ENOSF1: variants seen among roughly 807,000 people sequenced by gnomAD.
The protein encoded by ENOSF1 is mitochondrial enolase superfamily member 1.
In ENOSF1, 73 loss-of-function variants were observed where a neutral mutation model predicts 68.2. That is an observed-to-expected ratio of 1.07 (90% CI 0.89 to 1.30). The LOEUF (loss-of-function observed/expected upper bound fraction) is 1.30. ENOSF1 is among the 50% of genes most tolerant of loss of function. The probability of loss-of-function intolerance (pLI) is 0.00; values close to 1 mark genes in which losing one functional copy is unlikely to be tolerated. For synonymous variants in ENOSF1, 223 were observed against 210.4 expected, an observed-to-expected ratio of 1.06 and a Z score of -0.52; for missense variants, 589 against 554.5, an observed-to-expected ratio of 1.06 and a Z score of -0.62.
rs2077107270 is a variant in ENOSF1, at chr18:691,068, C to T, written c.535G>A (p.Glu179Lys). ...QKGQIGKKER[E>K]KQMLAQGYPA... ...TGAAGAAAATTTTCTTACAACCCAC[C>T]TCTTTCTTTTTTACCAATTTGACCT... is the stretch of plus-strand genomic sequence containing the variant. The change falls in exon 7 of 16, where the codon GAG becomes AAG. Residue 179 changes from glutamate to lysine, a missense_variant and splice_region_variant. Physicochemically the swap from Glu to Lys is moderately conservative, Grantham distance 56. Transcript: ENST00000647584. 1.2e-6 allele frequency: 2 copies of T among 1,613,994 alleles called. No homozygotes were observed. Among genetic ancestry groups the T allele is most frequent in the Non-Finnish European group, 1.7e-6 (2 of 1,179,924 alleles).
intron 5 of ENOSF1, chr18:691,974 T>C: frequency 6.6e-6 from 1 of 152,348 alleles, no homozygotes; most frequent in East Asian, 1.9e-4. Context: ...CTGGAGATGG[T>C]TCTGGAGCAG....
At position 697,353 on chromosome 18, in the gene ENOSF1, C is replaced by A. The variant is rs772352232; in HGVS notation, c.196G>T (p.Val66Phe). 2 of 1,608,422 alleles carry A rather than the reference C, an allele frequency of 1.2e-6. No homozygotes were observed. The highest frequency in any genetic ancestry group is 1.4e-5 in the African/African-American group (1 of 73,956). Residue 66 changes from valine to phenylalanine, a missense_variant and splice_region_variant, in exon 3 of 16, where the codon GTC becomes TTC. Coordinates refer to ENST00000647584, the MANE Select transcript of ENOSF1 (RefSeq NM_017512.7). ...FTLGKGTEVVVCAVNALAHHV... is the reference protein window; with the variant it reads ...FTLGKGTEVVFCAVNALAHHV... ...TGGGCGAGGGCATTCACAGCACAGACAACTATTTAAAAAGGATTGAACTCT... is the reference window on the plus strand; with the variant it reads ...TGGGCGAGGGCATTCACAGCACAGAAAACTATTTAAAAAGGATTGAACTCT...
In ENOSF1 at chr18:706,657, G is replaced by A. The variant is rs567035266; in HGVS notation, c.85-79C>T. On this transcript the variant is annotated intron_variant, in intron 1 of 15. Coordinates refer to ENST00000647584, the MANE Select transcript of ENOSF1 (RefSeq NM_017512.7). Reference sequence around the variant, plus strand: ...GAACCATGAGAATGATGTCACATGAGGACAGACAATGCCACAGGGGCCGTG... The same window carrying A: ...GAACCATGAGAATGATGTCACATGAAGACAGACAATGCCACAGGGGCCGTG... 3.3e-5 allele frequency: 35 copies of A among 1,073,964 alleles called. No homozygotes were observed. The African/African-American group carries it at 5.4e-4, about 17-fold the overall frequency. 66.5% of individuals were successfully genotyped at this position (1,073,964 alleles called of 1,614,324 possible).
intron 3 of ENOSF1, among the ~76,000 whole-genome samples, chr18:694,972 T>A (rs2077574452): frequency 6.6e-6 from 1 of 152,196 alleles, no homozygotes; most frequent in Non-Finnish European, 1.5e-5. Context: ...GATATTTTCT[T>A]ACATAACCGT....
Position 696,254 on chromosome 18 carries a change from C to G in ENOSF1, c.309+986G>C, listed in dbSNP as rs189354226. On this transcript the variant is annotated intron_variant, in intron 3 of 15. Transcript: ENST00000647584. ...TGAGACAGAGTCTCACTCTGTTGCCCAGGCTGGAGTGCAGTGGTGCGATCT... is the reference window on the plus strand; with the variant it reads ...TGAGACAGAGTCTCACTCTGTTGCCGAGGCTGGAGTGCAGTGGTGCGATCT... 7.5e-3 allele frequency among the ~76,000 whole-genome samples: 1,081 copies of G among 143,368 alleles called. 2 individuals carry two copies. Among genetic ancestry groups the G allele is most frequent in the Middle Eastern group, 0.019 (5 of 266 alleles). 94.1% of individuals were successfully genotyped at this position (143,368 alleles called of 152,430 possible). A position where few individuals can be genotyped will look rare whatever the true frequency, so the allele number is the denominator to read the frequency against.
the ENOSF1 span, among the ~76,000 whole-genome samples, chr18:665,112 C>T: frequency 9.9e-5 from 15 of 151,694 alleles, no homozygotes; most frequent in Non-Finnish European, 2.2e-4. Context: ...CCTCTTTGTA[C>T]CTCTGGTAGA....
the ENOSF1 span, among the ~76,000 whole-genome samples, chr18:665,303 C>T: frequency 3.3e-5 from 5 of 150,892 alleles, no homozygotes; most frequent in African/African-American, 4.9e-5. Flanking sequence ...AGTTTATTTG[C>T]GTAGAGGTGT....
intron 2 of ENOSF1, among the ~76,000 whole-genome samples, chr18:706,151 G>A (rs1198153959): frequency 2.6e-5 from 4 of 152,090 alleles, no homozygotes; most frequent in African/African-American, 9.7e-5. Context: ...AAGCTCGACA[G>A]TGGCCCCGGG....
In ENOSF1 at chr18:670,512, T is replaced by C. The variant is rs2074991573; in HGVS notation, c.*3793A>G. 3.2e-6 allele frequency: 2 copies of C among 617,136 alleles called. No homozygotes were observed. Among genetic ancestry groups the C allele is most frequent in the Admixed American group, 3.0e-5 (1 of 33,038 alleles). 38.2% of individuals were successfully genotyped at this position (617,136 alleles called of 1,614,324 possible). A position where few individuals can be genotyped will look rare whatever the true frequency, so the allele number is the denominator to read the frequency against. ...GCAGAAACCTTGCACCGATGGATAG[T>C]CTCCCTCAGCTCCGTGCCATCGCTG... On this transcript the variant is annotated 3_prime_UTR_variant, in exon 16 of 16. Coordinates refer to ENST00000647584, the MANE Select transcript of ENOSF1 (RefSeq NM_017512.7).
chr18:706,467 C>CACCA lies in ENOSF1; in HGVS notation c.192_193+2dup. 1 of 1,599,720 alleles carries CACCA rather than the reference C, an allele frequency of 6.3e-7. No individual in the cohort carries two copies. The highest frequency in any genetic ancestry group is 8.6e-7 in the Non-Finnish European group (1 of 1,166,950). ...TGGAACCTCGAGAGAATCTTCAACT[C>CACCA]ACCAACTTCAGTGCCTTTTCCCAGA... On this transcript the variant is annotated splice_region_variant and intron_variant, in intron 2 of 15. Transcript: ENST00000647584.
chr18:675,907 A>G (rs145433301), intron 14 of ENOSF1, among the ~76,000 whole-genome samples: 32 of 152,206 alleles, frequency 2.1e-4, no homozygotes, highest in African/African-American at 6.7e-4. Context: ...CTTTCTCGGT[A>G]CACTTTGTAC....
chr18:691,090 A>C lies in ENOSF1; in HGVS notation c.513T>G (p.Gly171=). The C allele has an allele frequency of 6.2e-7, 1 of 1,614,104 alleles. No individual in the cohort carries two copies. Among genetic ancestry groups the C allele is most frequent in the Non-Finnish European group, 8.5e-7 (1 of 1,180,004 alleles). The change falls in exon 7 of 16, where the codon GGT becomes GGG. Residue 171 remains glycine (G), a synonymous_variant. Coordinates refer to ENST00000647584, the MANE Select transcript of ENOSF1 (RefSeq NM_017512.7). Reference sequence around the variant, plus strand: ...CACCTCTTTCTTTTTTACCAATTTGACCTTTCTGCAGTATTTCTGGAAGAA... The same window carrying C: ...CACCTCTTTCTTTTTTACCAATTTGCCCTTTCTGCAGTATTTCTGGAAGAA... The part of the protein sequence containing the change: ...EEDALEILQK[G]QIGKKEREKQ...
chr18:668,606 T>G (rs548541784), downstream of ENOSF1, among the ~76,000 whole-genome samples: 52 of 152,354 alleles, frequency 3.4e-4, no homozygotes, highest in African/African-American at 9.4e-4. Context: ...GGTCCTCTGT[T>G]AGTTGGAAAG....
intron 5 of ENOSF1, chr18:692,939 CT>C (rs1029628472): frequency 8.5e-7 from 1 of 1,172,318 alleles, no homozygotes; most frequent in African/African-American, 1.6e-5. Flanking sequence ...TTTGTTTTTC[CT>C]TAATTTTTTG....
chr18:684,058 A>G (rs909308114), intron 10 of ENOSF1, among the ~76,000 whole-genome samples: 6 of 150,786 alleles, frequency 4.0e-5, no homozygotes, highest in Admixed American at 2.6e-4. Context: ...CAGTGGCGCT[A>G]TCTCGGCTCA....
intron 2 of ENOSF1, among the ~76,000 whole-genome samples, chr18:698,334 T>A (rs2077964639): frequency 6.6e-6 from 1 of 152,240 alleles, no homozygotes; most frequent in Admixed American, 6.5e-5. Flanking sequence ...TCCTAAGGAA[T>A]AAGAAGGCTG....
At position 673,602 on chromosome 18, in the gene ENOSF1, T is replaced by C; in HGVS notation, c.*703A>G. ...AACATGTGCTGTATTCTGGTTTGGA[T>C]GCTACTTAAAAGAGTATATTTTAGA... On this transcript the variant is annotated 3_prime_UTR_variant, in exon 16 of 16. Transcript: ENST00000647584. 1 of 179,506 alleles carries C rather than the reference T, an allele frequency of 5.6e-6. No homozygotes were observed. The highest frequency in any genetic ancestry group is 1.2e-5 in the Non-Finnish European group (1 of 84,186). The allele number at this position is 179,506 out of a possible 1,614,324, so 11.1% of individuals were successfully genotyped here.
chr18:683,821 T>G (rs1215192521), intron 10 of ENOSF1, among the ~76,000 whole-genome samples: 1 of 152,102 alleles, frequency 6.6e-6, no homozygotes, highest in Non-Finnish European at 1.5e-5. Context: ...TATTGCCCAC[T>G]GTGTGTCTGG....
At chr18:690,420 G>GT in intron 8 of ENOSF1, 129 bp downstream of exon 8, 1 of 1,005,980 alleles carries the variant, frequency 9.9e-7, no homozygotes, top group Non-Finnish European at 1.5e-6. Context: ...ACTGGTTGGC[G>GT]TGAGAAGGAA....
Sources: allele counts gnomAD v4.1 joint callset (sites outside exome capture counted in the v4.1 genomes callset), GRCh38; gene constraint gnomAD v4.1.1; transcripts MANE v1.5; gene names NCBI Gene and HGNC (gene_info 2026-07-23, HGNC 2026-07-21).